Variants in KLF17 observed in about 807,000 individuals in gnomAD.
KLF17 encodes KLF transcription factor 17.
A neutral mutation model predicts 34.2 loss-of-function variants in KLF17; 31 were observed. That is an observed-to-expected ratio of 0.91 (90% CI 0.68 to 1.22). The LOEUF (loss-of-function observed/expected upper bound fraction) is 1.22, where lower values mean the gene tolerates loss of function less well. Among genes scored for constraint, KLF17 ranks in the 50% most tolerant of loss-of-function variants. KLF17 has a pLI of 0.00. For synonymous variants in KLF17, 179 were observed against 186.7 expected, an observed-to-expected ratio of 0.96 and a Z score of 0.34; for missense variants, 478 against 505.2, an observed-to-expected ratio of 0.95 and a Z score of 0.52.
chr1:44,109,409 A>C, the KLF17 span, among the ~76,000 whole-genome samples: 2 of 152,234 alleles, frequency 1.3e-5, no homozygotes, highest in Non-Finnish European at 1.5e-5. Context: ...CTAGCTCAGA[A>C]GCAATTTTAT....
the KLF17 span, among the ~76,000 whole-genome samples, chr1:44,109,897 CTTTTTT>C: frequency 1.0e-4 from 8 of 77,200 alleles, no homozygotes; most frequent in East Asian, 7.1e-4. Flanking sequence ...CTTTTTTATA[CTTTTTT>C]TTTTTTTTTT....
At chr1:44,101,162 T>G in the KLF17 span, among the ~76,000 whole-genome samples, 1 of 152,198 alleles carries the variant, frequency 6.6e-6, no homozygotes. Context: ...GATGTTAACC[T>G]TTTACCACAT....
the KLF17 span, chr1:44,048,611 A>G: frequency 6.6e-6 from 1 of 152,152 alleles, no homozygotes; most frequent in Admixed American, 6.5e-5. Flanking sequence ...TTACAAATGA[A>G]TATTTGGGGC....
At chr1:44,096,429 C>T in the KLF17 span, among the ~76,000 whole-genome samples, 39 of 140,148 alleles carry the variant, frequency 2.8e-4, no homozygotes, top group African/African-American at 9.4e-4. Flanking sequence ...GAGGGAGTCT[C>T]GCTCTGTCGC....
chr1:44,114,436 G>A (rs139245493), upstream of KLF17: 1 of 152,298 alleles, frequency 6.6e-6, no homozygotes, highest in Non-Finnish European at 1.5e-5. Context: ...TCTGGGAATG[G>A]GGCATGGAAA....
intron 1 of KLF17, 132 bp from the exon 2 acceptor site, chr1:44,129,221 T>C: frequency 9.2e-7 from 1 of 1,087,044 alleles, no homozygotes; most frequent in Non-Finnish European, 1.3e-6. Context: ...AGCTGGGAAA[T>C]GGTCTGGAGG....
At chr1:44,069,469 CGAGAGAGAGAGAGA>C in the KLF17 span, among the ~76,000 whole-genome samples, 1,233 of 127,176 alleles carry the variant, frequency 9.7e-3, 22 homozygotes, top group African/African-American at 0.032. The surrounding 1 kb of genome is among the most constrained non-coding windows in gnomAD (Gnocchi z 4.7). Flanking sequence ...TGTTACATGG[CGAGAGAGAGAGAGA>C]GAGAGAGAGA....
chr1:44,062,229 T>C, the KLF17 span, among the ~76,000 whole-genome samples: 3 of 152,244 alleles, frequency 2.0e-5, no homozygotes, highest in Non-Finnish European at 4.4e-5. Flanking sequence ...AGAGAAATGA[T>C]CAAAATTGTA....
At chr1:44,118,166 C>T (rs897006161), upstream of KLF17, among the ~76,000 whole-genome samples, 11 of 152,178 alleles carry the variant, frequency 7.2e-5, no homozygotes, top group African/African-American at 1.4e-4. Context: ...CTCACCACCA[C>T]CTAAAATTAT....
chr1:44,101,874 AAAAC>A, the KLF17 span, among the ~76,000 whole-genome samples: 6 of 151,780 alleles, frequency 4.0e-5, no homozygotes, highest in Non-Finnish European at 7.4e-5. Context: ...AAAACAAAAC[AAAAC>A]AAACAAACAA....
At chr1:44,113,886 C>G (rs2154311072), upstream of KLF17, 1 of 152,434 alleles carries the variant, frequency 6.6e-6, no homozygotes, top group African/African-American at 2.4e-5. Context: ...CTCATGGACC[C>G]AGGACTGGAG....
intron 1 of KLF17, 45 bp from the exon 2 acceptor site, chr1:44,129,308 G>T: frequency 6.6e-7 from 1 of 1,506,566 alleles, no homozygotes; most frequent in South Asian, 1.4e-5. Context: ...AGGAACATGT[G>T]GAACTGGAAT....
the KLF17 span, among the ~76,000 whole-genome samples, chr1:44,048,705 T>G: frequency 6.6e-6 from 1 of 152,270 alleles, no homozygotes; most frequent in Non-Finnish European, 1.5e-5. Flanking sequence ...TTTCTCTTGG[T>G]GAAATTTTCT....
At chr1:44,092,696 T>C in the KLF17 span, among the ~76,000 whole-genome samples, 3 of 151,924 alleles carry the variant, frequency 2.0e-5, no homozygotes, top group Non-Finnish European at 4.4e-5. Flanking sequence ...CTTGAACTCT[T>C]AGGCTCAAGC....
chr1:44,046,668 G>C, the KLF17 span, among the ~76,000 whole-genome samples: 1 of 152,136 alleles, frequency 6.6e-6, no homozygotes, highest in Non-Finnish European at 1.5e-5. Context: ...ACTGGTTCAA[G>C]TCCATGTGGC....
At chr1:44,100,051 C>G in the KLF17 span, among the ~76,000 whole-genome samples, 1 of 149,040 alleles carries the variant, frequency 6.7e-6, no homozygotes, top group South Asian at 2.1e-4. Context: ...GCCTGGCCAA[C>G]ATGGTGAAAC....
intron 3 of KLF17, among the ~76,000 whole-genome samples, chr1:44,132,779 C>T (rs74758893): frequency 0.015 from 2,214 of 152,286 alleles, 15 homozygotes; most frequent in Non-Finnish European, 0.018. Flanking sequence ...TATTAAGTGG[C>T]CTATCTTTCC....
chr1:44,114,420 A>T (rs2087861913), upstream of KLF17: 1 of 152,216 alleles, frequency 6.6e-6, no homozygotes, highest in African/African-American at 2.4e-5. Flanking sequence ...TCAACCAAAT[A>T]CTACTTCTGG....
upstream of KLF17, among the ~76,000 whole-genome samples, chr1:44,117,900 A>G (rs1450356442): frequency 6.6e-6 from 1 of 152,212 alleles, no homozygotes; most frequent in Non-Finnish European, 1.5e-5. Context: ...GATCACATCA[A>G]ATTCCTGTTT....
Sources: gnomAD v4.1 joint callset for allele counts (sites outside exome capture counted in the v4.1 genomes callset) on GRCh38, gnomAD v4.1.1 for gene constraint, Gnocchi (gnomAD v3.1) non-coding constraint, MANE v1.5 for transcripts, NCBI Gene and HGNC (gene_info 2026-07-23, HGNC 2026-07-21) for gene names.